The following EPG5 variants were observed in gnomAD, a reference collection of about 807,000 sequenced individuals.
EPG5 encodes ectopic P granules protein 5 homolog.
Under a neutral mutation model 302.7 loss-of-function variants are expected in EPG5, and 159 were observed. That is an observed-to-expected ratio of 0.53 (90% CI 0.46 to 0.60). EPG5 has a LOEUF of 0.60. Ranked by LOEUF, EPG5 falls within the 20% of genes least tolerant of loss-of-function variation. EPG5 has a pLI of 0.00. For missense variants in EPG5, 2,896 were observed against 3,092.4 expected, an observed-to-expected ratio of 0.94 and a Z score of 1.51; for synonymous variants, 1,158 against 1,136.8, an observed-to-expected ratio of 1.02 and a Z score of -0.37.
At chr18:45,852,672 G>C (rs539428139) in intron 43 of EPG5, 23 bp from the exon 44 acceptor site, 2 of 1,607,126 alleles carry the variant, frequency 1.2e-6, no homozygotes, top group Admixed American at 1.7e-5. Flanking sequence ...GAAGATGAGA[G>C]GGTTAACTCC....
the EPG5 span, among the ~76,000 whole-genome samples, chr18:45,806,779 A>G: frequency 6.6e-6 from 1 of 152,212 alleles, no homozygotes; most frequent in Non-Finnish European, 1.5e-5. Flanking sequence ...TCAGAAGGGC[A>G]GCCAGAGGCA....
intron 7 of EPG5, among the ~76,000 whole-genome samples, 174 bp downstream of exon 7, chr18:45,946,489 C>T (rs1413250233): frequency 6.6e-6 from 1 of 152,178 alleles, no homozygotes; most frequent in Non-Finnish European, 1.5e-5. Flanking sequence ...GAAGATACTT[C>T]ACACCCCTGC....
At chr18:45,920,086 T>C (rs1313668856) in intron 16 of EPG5, among the ~76,000 whole-genome samples, 1 of 152,172 alleles carries the variant, frequency 6.6e-6, no homozygotes, top group Non-Finnish European at 1.5e-5. Flanking sequence ...CAGGCGTCAG[T>C]GAGAAGTGTT....
chr18:45,838,516 A>C, the EPG5 span: 4 of 716,454 alleles, frequency 5.6e-6, no homozygotes, highest in African/African-American at 7.6e-5. Flanking sequence ...TGCTATCATG[A>C]TCCTCACTTT....
intron 4 of EPG5, among the ~76,000 whole-genome samples, chr18:45,950,814 A>C (rs2050890629): frequency 6.6e-6 from 1 of 152,244 alleles, no homozygotes; most frequent in Admixed American, 6.5e-5. Context: ...TTCTGAATAT[A>C]CATCTAGTCT....
the EPG5 span, among the ~76,000 whole-genome samples, chr18:45,810,682 G>A: frequency 6.6e-6 from 1 of 152,166 alleles, no homozygotes; most frequent in Non-Finnish European, 1.5e-5. Flanking sequence ...TCAGGAAGCT[G>A]AGACAGGAGA....
intron 27 of EPG5, among the ~76,000 whole-genome samples, chr18:45,893,551 TAA>T (rs59916763): frequency 3.7e-5 from 5 of 136,788 alleles, no homozygotes; most frequent in East Asian, 2.2e-4. Context: ...AGACTCTGTC[TAA>T]AAAAAAAAAA....
At chr18:45,950,576 A>G (rs888938248) in intron 4 of EPG5, among the ~76,000 whole-genome samples, 2 of 152,190 alleles carry the variant, frequency 1.3e-5, no homozygotes, top group African/African-American at 4.8e-5. Flanking sequence ...TTTTCTTCCC[A>G]GTCTCAGGTA....
At chr18:45,858,860 T>G in intron 40 of EPG5, 78 bp from the exon 41 acceptor site, 1 of 1,141,630 alleles carries the variant, frequency 8.8e-7, no homozygotes, top group Non-Finnish European at 1.3e-6. Context: ...ATTTTCACTT[T>G]AAGCTTCATG....
chr18:45,855,878 T>C (rs761232257), intron 42 of EPG5, among the ~76,000 whole-genome samples, 191 bp from the exon 43 acceptor site: 2 of 151,710 alleles, frequency 1.3e-5, no homozygotes, highest in Admixed American at 6.6e-5. Context: ...AAACAATATA[T>C]GTATAATTCA....
chr18:45,839,506 A>G, the EPG5 span, among the ~76,000 whole-genome samples: 1 of 152,098 alleles, frequency 6.6e-6, no homozygotes, highest in Non-Finnish European at 1.5e-5. Context: ...TGAATATGGC[A>G]TGGTCCCCTG....
rs1282424187 is a variant in EPG5, at chr18:45,860,240, A to T, written c.6873T>A (p.Ser2291Arg). 6.2e-7 allele frequency: 1 copy of T among 1,614,258 alleles called. No individual in the cohort carries two copies. Among genetic ancestry groups the T allele is most frequent in the East Asian group, 2.2e-5 (1 of 44,886 alleles). Residue 2291 changes from serine (S) to arginine (R), a missense_variant, in exon 40 of 44, where the codon AGT becomes AGA. Around this residue, in one of 5 missense-constraint regions of EPG5, gnomAD observed 620 missense variants for 704.2 expected, o/e 0.88. Coordinates refer to ENST00000282041, the MANE Select transcript of EPG5 (RefSeq NM_020964.3). ...TIPTAEFLRG[S>R]IRTWIGQKMH... Reference sequence around the variant, plus strand: ...TTTTTTGGCCAATCCAGGTCCGGATACTGCCCCGAAGGAACTCTGCTGTTG... The same window carrying T: ...TTTTTTGGCCAATCCAGGTCCGGATTCTGCCCCGAAGGAACTCTGCTGTTG...
At chr18:45,915,721 T>A (rs1202087752) in intron 19 of EPG5, 100 bp from the exon 20 acceptor site, 1 of 897,540 alleles carries the variant, frequency 1.1e-6, no homozygotes, top group East Asian at 2.6e-5. Flanking sequence ...CAATACAAGA[T>A]TCTGATAAGA....
At chr18:45,939,987 C>T (rs1337490586) in intron 9 of EPG5, among the ~76,000 whole-genome samples, 1 of 152,000 alleles carries the variant, frequency 6.6e-6, no homozygotes, top group African/African-American at 2.4e-5. Flanking sequence ...CATATACAGT[C>T]TGTCACATGG....
intron 27 of EPG5, among the ~76,000 whole-genome samples, chr18:45,894,077 C>A (rs981670015): frequency 6.6e-6 from 1 of 152,086 alleles, no homozygotes; most frequent in Non-Finnish European, 1.5e-5. Flanking sequence ...CAGCATAGAA[C>A]TAATCATAAC....
chr18:45,922,405 C>T lies in EPG5; in HGVS notation c.3034G>A (p.Ala1012Thr), dbSNP rs773390222. Residue 1012 changes from alanine (A) to threonine (T), a missense_variant, in exon 16 of 44, where the codon GCT becomes ACT. Physicochemically the swap from Ala to Thr is moderately conservative, Grantham distance 58 (BLOSUM62 0). This residue lies in a region of EPG5 where 1,390 missense variants were observed against 1,430.0 expected (regional missense o/e 0.97). Transcript: ENST00000282041. ...ESPTFHPLLK[A>T]VKAGMPIGCY... Reference sequence around the variant, plus strand: ...CCAATGGGCATGCCCGCTTTCACAGCCTTCAAGAGAGGATGAAACGTGGGT... The same window carrying T: ...CCAATGGGCATGCCCGCTTTCACAGTCTTCAAGAGAGGATGAAACGTGGGT... 2.4e-5 allele frequency: 38 copies of T among 1,614,066 alleles called. No homozygotes were observed. Among genetic ancestry groups the T allele is most frequent in the Middle Eastern group, 1.6e-4 (1 of 6,084 alleles).
At position 45,889,815 on chromosome 18, in the gene EPG5, A is replaced by G; in HGVS notation, c.4935T>C (p.His1645=). ...PSLNIVEAAV[H]AENLITALVN... is the part of the protein sequence containing the mutation. ...AAACTTACGTGATCAAGTTTTCTGC[A>G]TGTACAGCAGCTTCCACAATATTAA... is the stretch of plus-strand genomic sequence containing the variant. The change falls in exon 28 of 44, where the codon CAT becomes CAC. Residue 1645 remains histidine (H), a synonymous_variant. Coordinates refer to ENST00000282041, the MANE Select transcript of EPG5 (RefSeq NM_020964.3). 1 of 1,604,542 alleles carries G rather than the reference A, an allele frequency of 6.2e-7. No individual in the cohort carries two copies. The highest frequency in any genetic ancestry group is 8.5e-7 in the Non-Finnish European group (1 of 1,176,436).
At chr18:45,836,601 A>G in the EPG5 span, among the ~76,000 whole-genome samples, 1 of 152,090 alleles carries the variant, frequency 6.6e-6, no homozygotes, top group East Asian at 1.9e-4. Context: ...CCACACATCC[A>G]TGGTTCACAA....
At chr18:45,846,137 C>T (rs1040886796), downstream of EPG5, among the ~76,000 whole-genome samples, 4 of 152,214 alleles carry the variant, frequency 2.6e-5, no homozygotes, top group South Asian at 2.1e-4. Flanking sequence ...GGTTTTGTCC[C>T]GGCTCCAGTG....
Sources: allele counts gnomAD v4.1 joint callset (sites outside exome capture counted in the v4.1 genomes callset), GRCh38; gene constraint gnomAD v4.1.1; regional missense constraint gnomAD v4.1.1; transcripts MANE v1.5; gene names NCBI Gene and HGNC (gene_info 2026-07-23, HGNC 2026-07-21).